Variants in DEF6 observed in about 807,000 individuals in gnomAD.
DEF6 encodes DEF6 guanine nucleotide exchange factor, also known as differentially expressed in FDCP 6 homolog.
In DEF6, 32 loss-of-function variants were observed where a neutral mutation model predicts 80.5. That is an observed-to-expected ratio of 0.40 (90% confidence interval 0.30 to 0.53). DEF6 has a LOEUF of 0.53. Ranked by LOEUF, DEF6 falls within the 20% of genes least tolerant of loss-of-function variation. DEF6 has a pLI of 0.57. For synonymous variants in DEF6, 300 were observed against 337.9 expected (o/e 0.89, Z 1.23); for missense variants, 575 against 818.7 (o/e 0.70, Z 3.63).
At position 35,321,724 on chromosome 6, in the gene DEF6, C is replaced by T. The variant is rs1473529628; in HGVS notation, c.*314C>T. The T allele has an allele frequency of 3.7e-6, 1 of 270,514 alleles. No individual in the cohort carries two copies. Among genetic ancestry groups the T allele is most frequent in the East Asian group, 6.7e-5 (1 of 14,892 alleles). 16.8% of individuals were successfully genotyped at this position (270,514 alleles called of 1,614,324 possible). A position where few individuals can be genotyped will look rare whatever the true frequency, so the allele number is the denominator to read the frequency against. On this transcript the variant is annotated 3_prime_UTR_variant, in exon 11 of 11. Transcript: ENST00000316637. ...GGGGCTACCTGCCCCCAGGTGGCCA[C>T]CAAGTTGTGGAAGCACATTTCTAAA...
At chr6:35,298,843 C>A (rs1203115820) in intron 1 of DEF6, among the ~76,000 whole-genome samples, 1 of 152,156 alleles carries the variant, frequency 6.6e-6, no homozygotes, top group Non-Finnish European at 1.5e-5. Context: ...GTTCACTCTG[C>A]AAGTACTTGA....
In DEF6 at chr6:35,305,632, C is replaced by T. The variant is rs557450779; in HGVS notation, c.97-4038C>T. The stretch of plus-strand genomic sequence containing the variant: ...CCACCCAGGCTGGAGTGCAGTGGCA[C>T]TATCCTTCCTGGCTCACCTCAACCG... On this transcript the variant is annotated intron_variant, in intron 1 of 10. Transcript: ENST00000316637. Among the ~76,000 whole-genome samples, 3 of 151,984 alleles carry T rather than the reference C, an allele frequency of 2.0e-5. No homozygotes were observed. In the South Asian group the frequency reaches 6.2e-4, roughly 32 times the overall value.
intron 1 of DEF6, among the ~76,000 whole-genome samples, chr6:35,308,726 A>T (rs967110647): frequency 2.5e-4 from 36 of 143,828 alleles, no homozygotes; most frequent in African/African-American, 8.9e-4. Context: ...ATAAAATAAA[A>T]TAAATAAAAT....
In DEF6 at chr6:35,319,251, ATGT is replaced by A. The variant is rs1035765004; in HGVS notation, c.1216-268_1216-266del. ...TTTTTATATCTTATTTAATTATATAATGTTGTTTAATTACATGTTATATAATTA... is the reference window on the plus strand; with the variant it reads ...TTTTTATATCTTATTTAATTATATAATGTTTAATTACATGTTATATAATTA... On this transcript the variant is annotated intron_variant, in intron 7 of 10. Coordinates refer to ENST00000316637, the MANE Select transcript of DEF6 (RefSeq NM_022047.4). This position sits in a 1 kb window ranked among gnomAD's most constrained non-coding sequence, Gnocchi z 4.5. Among the ~76,000 whole-genome samples the A allele has an allele frequency of 3.3e-5, 5 of 151,988 alleles. No homozygotes were observed. The highest frequency in any genetic ancestry group is 3.2e-3 in the Middle Eastern group (1 of 316).
In DEF6 at chr6:35,321,320, G is replaced by A. The variant is rs1791589623; in HGVS notation, c.1806G>A (p.Glu602=). The A allele has an allele frequency of 6.2e-7, 1 of 1,613,982 alleles. No individual in the cohort carries two copies. Among genetic ancestry groups the A allele is most frequent in the Non-Finnish European group, 8.5e-7 (1 of 1,180,028 alleles). Reference sequence around the variant, plus strand: ...GGACCCCCTCGCCCAACAGCAATGAGCAGCAGAAGTCCCTCAATGGTGGGG... The same window carrying A: ...GGACCCCCTCGCCCAACAGCAATGAACAGCAGAAGTCCCTCAATGGTGGGG... The part of the protein sequence containing the change: ...GNRTPSPNSN[E]QQKSLNGGDE... Residue 602 remains glutamate, a synonymous_variant, in exon 11 of 11, where the codon GAG becomes GAA. Coordinates refer to ENST00000316637, the MANE Select transcript of DEF6 (RefSeq NM_022047.4).
chr6:35,312,162 A>T lies in DEF6; in HGVS notation c.424-140A>T. 1.4e-6 allele frequency: 1 copy of T among 691,416 alleles called. No homozygotes were observed. Among genetic ancestry groups the T allele is most frequent in the Non-Finnish European group, 2.4e-6 (1 of 415,936 alleles). 42.8% of individuals were successfully genotyped at this position (691,416 alleles called of 1,614,324 possible). A position where few individuals can be genotyped will look rare whatever the true frequency, so the allele number is the denominator to read the frequency against. ...CAGGTCTTTTCCCTGGCTCCATAAC[A>T]TTCGGTCCTCTGGCCCCCTCAACGC... On this transcript the variant is annotated intron_variant, in intron 3 of 10. Coordinates refer to ENST00000316637, the MANE Select transcript of DEF6 (RefSeq NM_022047.4). This position sits in a 1 kb window ranked among gnomAD's most constrained non-coding sequence, Gnocchi z 6.6.
intron 1 of DEF6, among the ~76,000 whole-genome samples, chr6:35,308,939 C>T (rs1791428076): frequency 6.6e-6 from 1 of 152,092 alleles, no homozygotes. Flanking sequence ...ATTCTAATAT[C>T]ATGGATTTGT....
chr6:35,312,418 C>T lies in DEF6; in HGVS notation c.540C>T (p.Ser180=), dbSNP rs1214001591. 3.0e-5 allele frequency: 48 copies of T among 1,614,026 alleles called. No individual in the cohort carries two copies. Among genetic ancestry groups the T allele is most frequent in the Non-Finnish European group, 3.6e-5 (43 of 1,180,042 alleles). Residue 180 remains serine, a synonymous_variant, in exon 4 of 11, where the codon AGC becomes AGT. Transcript: ENST00000316637. The surrounding 1 kb of genome is among the most constrained non-coding windows in gnomAD (Gnocchi z 6.6). ...AQVAQTTGGL[S]VWQFLELFNS... The stretch of plus-strand genomic sequence containing the variant: ...TGGCCCAGACCACCGGGGGGCTCAG[C>T]GTCTGGCAGTTCCTGGAGCTCTTCA...
chr6:35,309,710 A>G lies in DEF6; in HGVS notation c.137A>G (p.His46Arg), dbSNP rs763100176. ...CTGTACACGGTCCTGCACATCCCCC[A>G]TGACCCCGTGGCCCTGGAGGAACAC... Reference protein sequence around the residue: ...HNLYTVLHIPHDPVALEEHFR... With the variant: ...HNLYTVLHIPRDPVALEEHFR... Residue 46 changes from histidine (H) to arginine (R), a missense_variant, in exon 2 of 11, where the codon CAT (histidine) becomes CGT (arginine). Transcript: ENST00000316637. 26 of 1,612,522 alleles carry G rather than the reference A, an allele frequency of 1.6e-5. No individual in the cohort carries two copies. Among genetic ancestry groups the G allele is most frequent in the Non-Finnish European group, 5.1e-6 (6 of 1,178,814 alleles).
At position 35,317,942 on chromosome 6, in the gene DEF6, A is replaced by C. The variant is rs61734579; in HGVS notation, c.859A>C (p.Asn287His). The stretch of plus-strand genomic sequence containing the variant: ...CTGCATGTTCTGTGTGAAGACAGCC[A>C]ACCGCACGTATGAGATGAGCGCCTC... ...KRCMFCVKTA[N>H]RTYEMSASDT... The change falls in exon 6 of 11, where the codon AAC becomes CAC. Residue 287 changes from asparagine (N) to histidine (H), a missense_variant. By Grantham distance (68) the Asn-to-His change is moderately conservative. Transcript: ENST00000316637. 9.0e-3 allele frequency: 14,602 copies of C among 1,613,842 alleles called. 126 individuals are homozygous for C. The highest frequency in any genetic ancestry group is 9.3e-3 in the Non-Finnish European group (11,017 of 1,179,950).
At chr6:35,298,036 G>A (rs1791263123) in intron 1 of DEF6, 84 bp downstream of exon 1, 5 of 1,224,086 alleles carry the variant, frequency 4.1e-6, no homozygotes, top group Non-Finnish European at 5.8e-6. Flanking sequence ...TGGACACTGT[G>A]CCACTCCAGG....
intron 1 of DEF6, among the ~76,000 whole-genome samples, chr6:35,309,354 G>GTA (rs1791433246): frequency 6.6e-6 from 1 of 152,200 alleles, no homozygotes; most frequent in African/African-American, 2.4e-5. Context: ...GTGGCTAAGA[G>GTA]TATAACTGCA....
chr6:35,310,373 T>C, intron 2 of DEF6, 86 bp from the exon 3 acceptor site: 7 of 1,460,914 alleles, frequency 4.8e-6, no homozygotes, highest in Non-Finnish European at 6.6e-6. Context: ...AGCAGGGGCA[T>C]AGATGAACCC....
rs184568344 is a variant in DEF6, at chr6:35,314,896, G to A, written c.807+2124G>A. 2.6e-4 allele frequency among the ~76,000 whole-genome samples: 39 copies of A among 152,250 alleles called. 1 individual carries two copies. In the East Asian group the frequency reaches 6.9e-3, roughly 27 times the overall value. On this transcript the variant is annotated intron_variant, in intron 5 of 10. Coordinates refer to ENST00000316637, the MANE Select transcript of DEF6 (RefSeq NM_022047.4). ...AATGTTTTCTTCTAGTAGTTTCATA[G>A]TTTCAGGTCTTACATTTAAATGTTT...
intron 1 of DEF6, among the ~76,000 whole-genome samples, chr6:35,301,347 C>T (rs1190549442): frequency 2.0e-5 from 3 of 152,172 alleles, no homozygotes; most frequent in African/African-American, 7.2e-5. Flanking sequence ...GTGCAGAGCA[C>T]TTGACTCAGA....
rs938635770 is a variant in DEF6 at position 35,320,126 on chromosome 6, C to T, written c.1581+109C>T. ...AAACCCTGGCCCTAGCAGCTGCTGG[C>T]TGTGTGACTTTGGACAAATGCCCAA... On this transcript the variant is annotated intron_variant, in intron 9 of 10. Coordinates refer to ENST00000316637, the MANE Select transcript of DEF6 (RefSeq NM_022047.4). 9.7e-6 allele frequency: 11 copies of T among 1,131,992 alleles called. No individual in the cohort carries two copies. The African/African-American group carries it at 1.7e-4, about 18-fold the overall frequency. The allele number at this position is 1,131,992 out of a possible 1,614,324, so 70.1% of individuals were successfully genotyped here.
chr6:35,303,321 C>G (rs542017180), intron 1 of DEF6, among the ~76,000 whole-genome samples: 1 of 152,192 alleles, frequency 6.6e-6, no homozygotes, highest in Admixed American at 6.5e-5. Flanking sequence ...TGTCCTGGGT[C>G]GGGGAGGGCA....
chr6:35,302,164 C>G (rs1791323022), intron 1 of DEF6, among the ~76,000 whole-genome samples: 1 of 151,980 alleles, frequency 6.6e-6, no homozygotes, highest in Non-Finnish European at 1.5e-5. Flanking sequence ...GAGTTTGAGA[C>G]CAGCCCTGGC....
intron 5 of DEF6, among the ~76,000 whole-genome samples, chr6:35,316,781 C>T (rs1562150154): frequency 6.6e-6 from 1 of 152,174 alleles, no homozygotes; most frequent in Non-Finnish European, 1.5e-5. Flanking sequence ...GATCTATACT[C>T]ACAATATTGT....
Sources: gnomAD v4.1 joint callset for allele counts (sites outside exome capture counted in the v4.1 genomes callset) on GRCh38, gnomAD v4.1.1 for gene constraint, Gnocchi (gnomAD v3.1) non-coding constraint, MANE v1.5 for transcripts, NCBI Gene and HGNC (gene_info 2026-07-23, HGNC 2026-07-21) for gene names.